DNM3: variants seen among roughly 807,000 people sequenced by gnomAD.
DNM3 encodes the protein dynamin-3.
DNM3 carries 47 observed loss-of-function variants against 101.6 expected under a neutral mutation model. The ratio of observed to expected loss-of-function variants is 0.46; its 90% CI spans 0.37 to 0.59. DNM3 has a LOEUF of 0.59. Among genes scored for constraint, DNM3 ranks in the 20% least tolerant of loss-of-function variants. The pLI, the probability that DNM3 is intolerant of heterozygous loss-of-function variation, is 0.00. For missense variants in DNM3, 849 were observed against 1,085.7 expected (o/e 0.78, Z 3.06); for synonymous variants, 385 against 387.9 (o/e 0.99, Z 0.09).
At position 172,383,541 on chromosome 1, in the gene DNM3, C is replaced by T. The variant is rs114074657; in HGVS notation, c.2059-3592C>T. 4.3e-3 allele frequency among the ~76,000 whole-genome samples: 659 copies of T among 152,184 alleles called. 2 individuals carry two copies. The highest frequency in any genetic ancestry group is 0.015 in the African/African-American group (629 of 41,528). ...GTGAATGAGAGGCATCACCGTGTTCCGTACTGTGACCCTCCAATTCTAGAA... is the reference window on the plus strand; with the variant it reads ...GTGAATGAGAGGCATCACCGTGTTCTGTACTGTGACCCTCCAATTCTAGAA... On this transcript the variant is annotated intron_variant, in intron 18 of 20. Transcript: ENST00000627582.
chr1:172,221,904 A>G (rs973658619), intron 14 of DNM3, among the ~76,000 whole-genome samples: 1 of 152,122 alleles, frequency 6.6e-6, no homozygotes, highest in Admixed American at 6.6e-5. Flanking sequence ...ATAAAGACAA[A>G]GACTTTGTAG....
At chr1:171,873,467 T>C (rs2206544) in intron 1 of DNM3, among the ~76,000 whole-genome samples, 65,368 of 151,844 alleles carry the variant, frequency 0.43, 14,202 homozygotes, top group African/African-American at 0.45. Context: ...ACTGGGGAGA[T>C]GGATAAGCAA....
intron 4 of DNM3, among the ~76,000 whole-genome samples, chr1:172,009,137 A>AT (rs1299831335): frequency 7.2e-6 from 1 of 138,032 alleles, no homozygotes; most frequent in African/African-American, 2.7e-5. Flanking sequence ...ATATATTTAT[A>AT]TTATATATAT....
At chr1:172,233,858 T>C (rs936238770) in intron 14 of DNM3, among the ~76,000 whole-genome samples, 7 of 152,152 alleles carry the variant, frequency 4.6e-5, no homozygotes, top group African/African-American at 1.7e-4. Flanking sequence ...CGCTAAAAAC[T>C]CTCAATAAAT....
chr1:172,225,118 C>T (rs1188760621), intron 14 of DNM3, among the ~76,000 whole-genome samples: 1 of 145,404 alleles, frequency 6.9e-6, no homozygotes, highest in Non-Finnish European at 1.5e-5. Context: ...GCATGTCCCT[C>T]CTGTTTCTTC....
intron 20 of DNM3, among the ~76,000 whole-genome samples, chr1:172,405,197 A>G (rs2070785039): frequency 6.6e-6 from 1 of 152,082 alleles, no homozygotes; most frequent in Admixed American, 6.6e-5. Context: ...TCATTTGTCC[A>G]TTATTCAACA....
intron 15 of DNM3, among the ~76,000 whole-genome samples, chr1:172,269,455 A>G (rs984727711): frequency 2.6e-5 from 4 of 152,202 alleles, no homozygotes; most frequent in African/African-American, 9.7e-5. Flanking sequence ...TAAACATGCT[A>G]CAGAAAAAAT....
intron 15 of DNM3, among the ~76,000 whole-genome samples, chr1:172,283,493 G>T (rs1446229627): frequency 6.6e-6 from 1 of 151,976 alleles, no homozygotes; most frequent in African/African-American, 2.4e-5. Context: ...TGGGCATGGT[G>T]GCTCACACCT....
intron 13 of DNM3, among the ~76,000 whole-genome samples, chr1:172,112,031 A>C (rs77317583): frequency 0.021 from 3,181 of 152,302 alleles, 103 homozygotes; most frequent in African/African-American, 0.071. Context: ...ATATTTTAAT[A>C]ATCATAATAA....
intron 4 of DNM3, among the ~76,000 whole-genome samples, chr1:172,013,230 T>C (rs1456121693): frequency 6.6e-6 from 1 of 152,066 alleles, no homozygotes; most frequent in Admixed American, 6.6e-5. Flanking sequence ...TTAGATGAAA[T>C]GACACCCCAC....
intron 10 of DNM3, among the ~76,000 whole-genome samples, chr1:172,066,665 T>C (rs2051693552): frequency 2.0e-5 from 3 of 152,232 alleles, no homozygotes; most frequent in Admixed American, 2.0e-4. Context: ...AACATTATGC[T>C]TGTGCATAAC....
intron 15 of DNM3, among the ~76,000 whole-genome samples, chr1:172,259,384 T>C (rs1180820245): frequency 2.0e-5 from 3 of 152,104 alleles, no homozygotes; most frequent in Non-Finnish European, 4.4e-5. Context: ...AGTCTTTCCC[T>C]TCAGGTCTAA....
intron 2 of DNM3, among the ~76,000 whole-genome samples, chr1:171,950,484 T>G (rs1404765220): frequency 6.6e-6 from 1 of 152,210 alleles, no homozygotes; most frequent in Non-Finnish European, 1.5e-5. Flanking sequence ...TGAGTGCATT[T>G]ATAGTAGGCT....
downstream of DNM3, among the ~76,000 whole-genome samples, chr1:172,416,005 T>C (rs751612794): frequency 3.9e-5 from 6 of 152,198 alleles, no homozygotes; most frequent in Non-Finnish European, 8.8e-5. Flanking sequence ...ATTACACCCA[T>C]GTTCCAGATA....
At chr1:172,032,561 A>C in intron 5 of DNM3, 61 bp downstream of exon 5, 1 of 936,232 alleles carries the variant, frequency 1.1e-6, no homozygotes, top group Non-Finnish European at 1.5e-6. Flanking sequence ...TTTTTGTTAT[A>C]TGGAAGAGAA....
intron 14 of DNM3, among the ~76,000 whole-genome samples, chr1:172,165,253 A>T (rs2058703544): frequency 6.6e-6 from 1 of 152,098 alleles, no homozygotes; most frequent in Admixed American, 6.6e-5. Flanking sequence ...ATCTCAAAAA[A>T]GTTTTTTTAG....
intron 20 of DNM3, among the ~76,000 whole-genome samples, chr1:172,396,097 G>T (rs1458349846): frequency 6.6e-6 from 1 of 152,132 alleles, no homozygotes; most frequent in Non-Finnish European, 1.5e-5. Flanking sequence ...CACGCAATAG[G>T]CAAAACCACA....
At chr1:172,013,217 T>C (rs1346233382) in intron 4 of DNM3, among the ~76,000 whole-genome samples, 1 of 152,062 alleles carries the variant, frequency 6.6e-6, no homozygotes, top group African/African-American at 2.4e-5. Flanking sequence ...TCCCATTTCT[T>C]AATTAGATGA....
intron 2 of DNM3, among the ~76,000 whole-genome samples, chr1:171,930,718 A>C (rs1166279468): frequency 1.3e-5 from 2 of 152,100 alleles, no homozygotes; most frequent in African/African-American, 4.8e-5. Flanking sequence ...TCCGTTCTCC[A>C]CGGGTCAAGT....
Sources: gnomAD v4.1 joint callset for allele counts (sites outside exome capture counted in the v4.1 genomes callset) on GRCh38, gnomAD v4.1.1 for gene constraint, MANE v1.5 for transcripts, NCBI Gene and HGNC (gene_info 2026-07-23, HGNC 2026-07-21) for gene names.